Variants in FAM13B observed in about 807,000 individuals in gnomAD.
FAM13B encodes family with sequence similarity 13 member B, also known as protein FAM13B.
Under a neutral mutation model 117.3 loss-of-function variants are expected in FAM13B, and 60 were observed. That is an observed-to-expected ratio of 0.51 (90% CI 0.42 to 0.63). The LOEUF is 0.63. Among genes scored for constraint, FAM13B ranks in the 30% least tolerant of loss-of-function variants. FAM13B has a pLI of 0.00. For missense variants in FAM13B, 972 were observed against 1,091.9 expected (o/e 0.89, Z 1.55); for synonymous variants, 332 against 356.1 (o/e 0.93, Z 0.76).
At chr5:137,950,299 C>CGGAA (rs907989949) in intron 17 of FAM13B, among the ~76,000 whole-genome samples, 17 of 152,134 alleles carry the variant, frequency 1.1e-4, no homozygotes, top group Non-Finnish European at 2.9e-5. Context: ...TGGTAGAATA[C>CGGAA]GGAATAAGGA....
chr5:137,986,260 C>T (rs1777177021), intron 9 of FAM13B, among the ~76,000 whole-genome samples: 1 of 152,042 alleles, frequency 6.6e-6, no homozygotes, highest in Non-Finnish European at 1.5e-5. Flanking sequence ...ATAAACATTC[C>T]CAGCACTGGT....
chr5:137,992,979 G>A lies in FAM13B; in HGVS notation c.849-4664C>T, dbSNP rs79026260. 7.2e-5 allele frequency among the ~76,000 whole-genome samples: 9 copies of A among 124,292 alleles called. No homozygotes were observed. In the East Asian group the frequency reaches 2.6e-3, roughly 35 times the overall value. 81.5% of individuals were successfully genotyped at this position (124,292 alleles called of 152,430 possible). A position where few individuals can be genotyped will look rare whatever the true frequency, so the allele number is the denominator to read the frequency against. ...CAACAGCAAAATGGATAATTGTGGT[G>A]TAATCATACAAGAGGATACTTTACA... On this transcript the variant is annotated intron_variant, in intron 7 of 23. Transcript: ENST00000689681.
At chr5:138,041,913 T>C (rs527634903) in intron 1 of FAM13B, among the ~76,000 whole-genome samples, 1 of 151,166 alleles carries the variant, frequency 6.6e-6, no homozygotes, top group Non-Finnish European at 1.5e-5. Context: ...AAAATATTAA[T>C]AGCCAGGCAC....
chr5:137,982,496 G>A (rs1776037164), intron 10 of FAM13B, among the ~76,000 whole-genome samples: 1 of 150,740 alleles, frequency 6.6e-6, no homozygotes, highest in Non-Finnish European at 1.5e-5. Context: ...CTCCAGCCTG[G>A]GCAAGAAGAG....
chr5:138,031,655 A>G (rs1487564558), intron 1 of FAM13B, among the ~76,000 whole-genome samples: 2 of 152,064 alleles, frequency 1.3e-5, no homozygotes, highest in South Asian at 2.1e-4. Flanking sequence ...ACTGCACTCC[A>G]GCCTGTACGA....
chr5:138,026,628 C>CAA (rs56195021), intron 1 of FAM13B, among the ~76,000 whole-genome samples: 5,193 of 29,404 alleles, frequency 0.18, 781 homozygotes, highest in Non-Finnish European at 0.19. Flanking sequence ...GACCGTGTCT[C>CAA]AAAAAAAAAA....
At chr5:138,006,333 G>A (rs1193679220) in intron 7 of FAM13B, among the ~76,000 whole-genome samples, 1 of 152,168 alleles carries the variant, frequency 6.6e-6, no homozygotes, top group Non-Finnish European at 1.5e-5. Context: ...AACGAGCATA[G>A]AATTTAGCAG....
chr5:137,957,437 G>A (rs1468001957), intron 13 of FAM13B, among the ~76,000 whole-genome samples: 1 of 151,740 alleles, frequency 6.6e-6, no homozygotes, highest in East Asian at 1.9e-4. Context: ...CTACTCAGGA[G>A]GCTGAGGCAG....
chr5:138,014,267 T>G (rs1043244884), intron 4 of FAM13B, among the ~76,000 whole-genome samples: 3 of 152,208 alleles, frequency 2.0e-5, no homozygotes, highest in Admixed American at 1.3e-4. Flanking sequence ...CTAGTTTTTT[T>G]CAGTGCTGAG....
At chr5:137,991,729 A>G (rs912656636) in intron 7 of FAM13B, among the ~76,000 whole-genome samples, 1 of 152,210 alleles carries the variant, frequency 6.6e-6, no homozygotes, top group African/African-American at 2.4e-5. Context: ...TCCATATGGG[A>G]AAAGTTTACT....
upstream of FAM13B, chr5:138,036,847 G>T (rs868845799): frequency 1.1e-4 from 35 of 324,708 alleles, no homozygotes; most frequent in East Asian, 1.7e-4. Flanking sequence ...GACATTTTTG[G>T]TTTTTTTTTA....
Position 137,965,728 on chromosome 5 carries a change from T to A in FAM13B, c.1180-3259A>T, listed in dbSNP as rs113707941. Among the ~76,000 whole-genome samples, 19 of 152,302 alleles carry A rather than the reference T, an allele frequency of 1.2e-4. 1 individual carries two copies. Among genetic ancestry groups the A allele is most frequent in the African/African-American group, 4.1e-4 (17 of 41,562 alleles). ...GATGAGGTCTTAAGACTAGTACACGTCAAATTTATAGCCTTCTCTTCCTCT... is the reference window on the plus strand; with the variant it reads ...GATGAGGTCTTAAGACTAGTACACGACAAATTTATAGCCTTCTCTTCCTCT... On this transcript the variant is annotated intron_variant, in intron 10 of 23. Coordinates refer to ENST00000689681, the MANE Select transcript of FAM13B (RefSeq NM_001385994.1).
chr5:137,939,864 G>A lies in FAM13B; in HGVS notation c.*361C>T. On this transcript the variant is annotated 3_prime_UTR_variant, in exon 24 of 24. Coordinates refer to ENST00000689681, the MANE Select transcript of FAM13B (RefSeq NM_001385994.1). The stretch of plus-strand genomic sequence containing the variant: ...TTTTCCTCCAATTTTCTTCAGTAAT[G>A]AGAAACAAAAAGTTGGTAATAACAA... 1 of 1,322,860 alleles carries A rather than the reference G, an allele frequency of 7.6e-7. No individual in the cohort carries two copies. The highest frequency in any genetic ancestry group is 9.6e-7 in the Non-Finnish European group (1 of 1,039,518). 81.9% of individuals were successfully genotyped at this position (1,322,860 alleles called of 1,614,324 possible). A position where few individuals can be genotyped will look rare whatever the true frequency, so the allele number is the denominator to read the frequency against.
Position 138,007,140 on chromosome 5 carries a change from T to A in FAM13B, c.698A>T (p.Glu233Val). The change falls in exon 7 of 24, where the codon GAA (glutamate) becomes GTA (valine). Residue 233 changes from glutamate to valine, a missense_variant. Glu to Val is a moderately radical substitution (Grantham distance 121, BLOSUM62 -2). Transcript: ENST00000689681. ...DLSSITEQVN[E>V]LSEEEEEDEK... ...ATCTTCCTCTTCTTCCTCAGAAAGT[T>A]CATTAACCTATATAAATAAAAAGAA... The A allele has an allele frequency of 6.2e-7, 1 of 1,601,950 alleles. No individual in the cohort carries two copies. Among genetic ancestry groups the A allele is most frequent in the Non-Finnish European group, 8.5e-7 (1 of 1,175,794 alleles).
At position 138,032,940 on chromosome 5, in the gene FAM13B, C is replaced by T. The variant is rs1790554466; in HGVS notation, c.-361G>A. Reference sequence around the variant, plus strand: ...GGAGGTTAAAGCTACGGCTGTGGCGCGGGGCCAGCCCGGTAAGCGACCCCC... The same window carrying T: ...GGAGGTTAAAGCTACGGCTGTGGCGTGGGGCCAGCCCGGTAAGCGACCCCC... On this transcript the variant is annotated 5_prime_UTR_variant, in exon 1 of 24. Coordinates refer to ENST00000689681, the MANE Select transcript of FAM13B (RefSeq NM_001385994.1). 4 of 985,906 alleles carry T rather than the reference C, an allele frequency of 4.1e-6. No homozygotes were observed. Among genetic ancestry groups the T allele is most frequent in the East Asian group, 1.1e-4 (1 of 8,826 alleles). 61.1% of individuals were successfully genotyped at this position (985,906 alleles called of 1,614,324 possible). A position where few individuals can be genotyped will look rare whatever the true frequency, so the allele number is the denominator to read the frequency against.
At chr5:137,954,041 C>CTTTTT (rs369548946) in intron 15 of FAM13B, 125 bp downstream of exon 15, 39 of 388,464 alleles carry the variant, frequency 1.0e-4, no homozygotes, top group Middle Eastern at 1.5e-3. Context: ...CAATCTCTCT[C>CTTTTT]TTTTTTTTTT....
chr5:138,041,734 T>G (rs576000832), intron 1 of FAM13B, among the ~76,000 whole-genome samples: 115 of 150,336 alleles, frequency 7.6e-4, no homozygotes, highest in Non-Finnish European at 7.2e-4. Context: ...GCCAGGAGTT[T>G]GAAACCAGCC....
chr5:137,950,825 C>T (rs976644012), intron 17 of FAM13B, among the ~76,000 whole-genome samples: 3 of 152,162 alleles, frequency 2.0e-5, no homozygotes, highest in Admixed American at 2.0e-4. Context: ...TAATAATTTT[C>T]ACTGATGACT....
rs150718907 is a variant in FAM13B at position 138,016,459 on chromosome 5, T to C, written c.370+1843A>G. On this transcript the variant is annotated intron_variant, in intron 4 of 23. Coordinates refer to ENST00000689681, the MANE Select transcript of FAM13B (RefSeq NM_001385994.1). ...GGGCAACATAGCAAGATCTTGTCTCTACAAAACATAAAAAATTTTAAAAAA... is the reference window on the plus strand; with the variant it reads ...GGGCAACATAGCAAGATCTTGTCTCCACAAAACATAAAAAATTTTAAAAAA... Among the ~76,000 whole-genome samples, 1,373 of 152,164 alleles carry C rather than the reference T, an allele frequency of 9.0e-3. 21 individuals are homozygous for C. Among genetic ancestry groups the C allele is most frequent in the African/African-American group, 0.031 (1,283 of 41,510 alleles).
Sources: gnomAD v4.1 joint callset for allele counts (sites outside exome capture counted in the v4.1 genomes callset) on GRCh38, gnomAD v4.1.1 for gene constraint, MANE v1.5 for transcripts, NCBI Gene and HGNC (gene_info 2026-07-23, HGNC 2026-07-21) for gene names.